TMEM150C: variants seen among roughly 807,000 people sequenced by gnomAD.
TMEM150C encodes transmembrane protein 150C, also known as tentonin 3.
In TMEM150C, 10 loss-of-function variants were observed where a neutral mutation model predicts 29.9. The observed-to-expected ratio is 0.33, with a 90% confidence interval of 0.21 to 0.57. The LOEUF (loss-of-function observed/expected upper bound fraction) is 0.57. Ranked by LOEUF, TMEM150C falls within the 20% of genes least tolerant of loss-of-function variation. The pLI is 0.88. For missense variants in TMEM150C, 251 were observed against 303.6 expected (o/e 0.83, Z 1.29); for synonymous variants, 101 against 112.5 (o/e 0.90, Z 0.64).
intron 5 of TMEM150C, among the ~76,000 whole-genome samples, chr4:82,496,536 T>C (rs1723563610): frequency 6.6e-6 from 1 of 152,178 alleles, no homozygotes; most frequent in African/African-American, 2.4e-5. Context: ...ATGAATAGTG[T>C]TGTTCTCAGA....
intron 1 of TMEM150C, among the ~76,000 whole-genome samples, chr4:82,525,546 A>G (rs1341243934): frequency 6.6e-6 from 1 of 152,258 alleles, no homozygotes; most frequent in Non-Finnish European, 1.5e-5. Context: ...TAGCTCTTTA[A>G]TTAAAAGATA....
chr4:82,496,565 A>G (rs1723564303), intron 5 of TMEM150C, among the ~76,000 whole-genome samples: 1 of 152,234 alleles, frequency 6.6e-6, no homozygotes, highest in South Asian at 2.1e-4. Flanking sequence ...AAACAAGGTC[A>G]GCACAGGACA....
chr4:82,495,736 C>T (rs1723534749), intron 6 of TMEM150C: 2 of 325,552 alleles, frequency 6.1e-6, no homozygotes, highest in Non-Finnish European at 1.2e-5. Flanking sequence ...GTTCCCACCA[C>T]TGATTCGGAC....
At chr4:82,527,378 T>C (rs1313394547) in intron 1 of TMEM150C, among the ~76,000 whole-genome samples, 1 of 152,184 alleles carries the variant, frequency 6.6e-6, no homozygotes, top group Non-Finnish European at 1.5e-5. Flanking sequence ...CTTGTTTTTC[T>C]GTGGCTCCCC....
intron 1 of TMEM150C, among the ~76,000 whole-genome samples, chr4:82,537,159 ATT>A (rs1366965085): frequency 3.3e-5 from 5 of 151,560 alleles, no homozygotes; most frequent in African/African-American, 7.3e-5. Flanking sequence ...TTTTTTTTGT[ATT>A]TTTTTAGTAG....
At chr4:82,524,128 C>T (rs1360621035) in intron 1 of TMEM150C, among the ~76,000 whole-genome samples, 2 of 149,344 alleles carry the variant, frequency 1.3e-5, no homozygotes, top group African/African-American at 2.5e-5. Context: ...GTTAGCAGGG[C>T]GTGGTGGTGG....
intron 1 of TMEM150C, among the ~76,000 whole-genome samples, chr4:82,559,720 G>A (rs764315419): frequency 1.3e-5 from 2 of 152,160 alleles, no homozygotes; most frequent in Non-Finnish European, 2.9e-5. Context: ...TAATCACACC[G>A]TAGTGCTGAT....
chr4:82,553,426 T>A (rs1188183034), intron 1 of TMEM150C, among the ~76,000 whole-genome samples: 1 of 152,166 alleles, frequency 6.6e-6, no homozygotes, highest in Non-Finnish European at 1.5e-5. Flanking sequence ...AGAACTAATA[T>A]AAAATATTCA....
At chr4:82,545,463 G>A (rs539322634) in intron 1 of TMEM150C, among the ~76,000 whole-genome samples, 22 of 152,200 alleles carry the variant, frequency 1.4e-4, no homozygotes, top group African/African-American at 4.6e-4. Flanking sequence ...ACCTGGAAGC[G>A]TTCCCCTTGA....
At chr4:82,494,892 C>T (rs551881711) in intron 6 of TMEM150C, 24 of 534,912 alleles carry the variant, frequency 4.5e-5, no homozygotes, top group African/African-American at 8.0e-5. Context: ...GGAAAGTCTG[C>T]GTCTCTTCAC....
At chr4:82,499,767 T>C (rs536341764) in intron 5 of TMEM150C, among the ~76,000 whole-genome samples, 1 of 149,388 alleles carries the variant, frequency 6.7e-6, no homozygotes, top group African/African-American at 2.5e-5. Flanking sequence ...TAATGGCTGA[T>C]TTTTCTAATT....
At chr4:82,561,485 C>T (rs541585299) in intron 1 of TMEM150C, among the ~76,000 whole-genome samples, 3 of 152,184 alleles carry the variant, frequency 2.0e-5, no homozygotes, top group African/African-American at 7.2e-5. Context: ...GGGGTCGCTT[C>T]TCACCCGAGT....
chr4:82,533,862 T>TATCA (rs1230721904), intron 1 of TMEM150C, among the ~76,000 whole-genome samples: 2 of 152,222 alleles, frequency 1.3e-5, no homozygotes, highest in Admixed American at 1.3e-4. Context: ...AAAAGTTACC[T>TATCA]ATCAGTCCAG....
At chr4:82,556,932 T>C (rs542182343) in intron 1 of TMEM150C, among the ~76,000 whole-genome samples, 44 of 152,240 alleles carry the variant, frequency 2.9e-4, no homozygotes, top group African/African-American at 9.1e-4. Context: ...GGCACAAACA[T>C]AGTCAATAAA....
chr4:82,497,757 C>T (rs182018960), intron 5 of TMEM150C, among the ~76,000 whole-genome samples: 6 of 152,126 alleles, frequency 3.9e-5, no homozygotes, highest in African/African-American at 9.6e-5. Flanking sequence ...GAGTTATATC[C>T]GAAGTCTTTA....
intron 1 of TMEM150C, among the ~76,000 whole-genome samples, chr4:82,516,531 G>T (rs1472165473): frequency 6.6e-6 from 1 of 152,148 alleles, no homozygotes; most frequent in Non-Finnish European, 1.5e-5. Flanking sequence ...ATTTCCTAGG[G>T]CTGTGGTGAA....
intron 1 of TMEM150C, among the ~76,000 whole-genome samples, chr4:82,525,418 T>C (rs1269451575): frequency 6.6e-6 from 1 of 152,176 alleles, no homozygotes; most frequent in Non-Finnish European, 1.5e-5. Context: ...CCACTTCAAG[T>C]GGCTACAAAC....
intron 1 of TMEM150C, among the ~76,000 whole-genome samples, chr4:82,538,633 A>C (rs1345784464): frequency 6.6e-6 from 1 of 152,212 alleles, no homozygotes; most frequent in Non-Finnish European, 1.5e-5. Flanking sequence ...AAAATAGCAT[A>C]TGTCAACAAT....
intron 1 of TMEM150C, among the ~76,000 whole-genome samples, chr4:82,535,167 A>G (rs1352956476): frequency 6.6e-6 from 1 of 152,192 alleles, no homozygotes; most frequent in Non-Finnish European, 1.5e-5. Context: ...AAACTGGGTA[A>G]TTTATAAAGA....
Sources: allele counts gnomAD v4.1 joint callset (sites outside exome capture counted in the v4.1 genomes callset), GRCh38; gene constraint gnomAD v4.1.1; transcripts MANE v1.5; gene names NCBI Gene and HGNC (gene_info 2026-07-23, HGNC 2026-07-21).